MATCAP2: variants seen among roughly 807,000 people sequenced by gnomAD.
MATCAP2 encodes putative tyrosine carboxypeptidase MATCAP2.
the MATCAP2 span, chr7:36,389,791 GC>G: frequency 1.4e-6 from 1 of 694,078 alleles, no homozygotes; most frequent in Non-Finnish European, 2.2e-6. Context: ...GGGAGAGGGC[GC>G]CCCGGCTCCG....
At chr7:36,337,122 A>AAAAAAAAAAAAAAAAC in the MATCAP2 span, among the ~76,000 whole-genome samples, 1 of 147,098 alleles carries the variant, frequency 6.8e-6, no homozygotes, top group Non-Finnish European at 1.5e-5. Context: ...AAAAAAAAAA[A>AAAAAAAAAAAAAAAAC]AAAGCAATCA....
the MATCAP2 span, among the ~76,000 whole-genome samples, chr7:36,365,648 G>A: frequency 0.081 from 12,293 of 152,298 alleles, 660 homozygotes; most frequent in East Asian, 0.16. Context: ...GCAGTGAGCA[G>A]AGACAGCGCC....
the MATCAP2 span, chr7:36,389,792 C>A: frequency 1.4e-6 from 1 of 729,064 alleles, no homozygotes; most frequent in Non-Finnish European, 2.1e-6. Flanking sequence ...GGAGAGGGCG[C>A]CCCGGCTCCG....
chr7:36,356,555 A>G, the MATCAP2 span: 334 of 415,948 alleles, frequency 8.0e-4, no homozygotes, highest in East Asian at 6.7e-3. Context: ...TTAGAAAACA[A>G]AAACGTAGTG....
At chr7:36,367,027 G>A in the MATCAP2 span, 8 of 1,279,136 alleles carry the variant, frequency 6.3e-6, no homozygotes, top group Non-Finnish European at 7.8e-6. Flanking sequence ...CTCTGACCCG[G>A]GCCTCGGTGG....
the MATCAP2 span, among the ~76,000 whole-genome samples, chr7:36,348,771 A>C: frequency 6.6e-6 from 1 of 152,234 alleles, no homozygotes; most frequent in Non-Finnish European, 1.5e-5. Flanking sequence ...AAATAGAAGT[A>C]GGGGATTAGA....
the MATCAP2 span, among the ~76,000 whole-genome samples, chr7:36,389,076 T>C: frequency 6.6e-6 from 1 of 152,104 alleles, no homozygotes; most frequent in East Asian, 1.9e-4. Context: ...ACACAAGGGC[T>C]CTTTGTCTGG....
At chr7:36,378,000 G>A in the MATCAP2 span, among the ~76,000 whole-genome samples, 12 of 152,180 alleles carry the variant, frequency 7.9e-5, no homozygotes, top group African/African-American at 2.4e-4. Flanking sequence ...TTAGCCATTC[G>A]TCTAATGTTT....
chr7:36,369,203 A>C, the MATCAP2 span, among the ~76,000 whole-genome samples: 78 of 152,294 alleles, frequency 5.1e-4, 1 homozygote, highest in Non-Finnish European at 8.8e-4. Context: ...AGACAACAGA[A>C]AGTGTGTGCA....
At chr7:36,344,029 G>A in the MATCAP2 span, among the ~76,000 whole-genome samples, 1 of 152,048 alleles carries the variant, frequency 6.6e-6, no homozygotes, top group Non-Finnish European at 1.5e-5. Context: ...TTTATTGTCT[G>A]TAAATAAATA....
the MATCAP2 span, among the ~76,000 whole-genome samples, chr7:36,373,103 TAAAAAA>T: frequency 1.7e-4 from 20 of 116,192 alleles, no homozygotes; most frequent in Non-Finnish European, 3.3e-4. Flanking sequence ...AGACTTCATC[TAAAAAA>T]AAAAAAAAAA....
the MATCAP2 span, among the ~76,000 whole-genome samples, chr7:36,331,795 A>T: frequency 1.2e-4 from 19 of 152,312 alleles, no homozygotes; most frequent in South Asian, 8.3e-4. Flanking sequence ...TGTAATTTTT[A>T]AAAAAATTTT....
At chr7:36,383,827 G>C in the MATCAP2 span, 2 of 1,416,322 alleles carry the variant, frequency 1.4e-6, no homozygotes, top group Non-Finnish European at 2.0e-6. Context: ...ATTTTAAAAA[G>C]TGTAAAAGAA....
At chr7:36,337,730 A>G in the MATCAP2 span, 2 of 152,168 alleles carry the variant, frequency 1.3e-5, no homozygotes, top group African/African-American at 4.8e-5. Flanking sequence ...TTTGACCTGT[A>G]ACTGATGTGA....
chr7:36,346,126 A>AG, the MATCAP2 span, among the ~76,000 whole-genome samples: 4 of 152,138 alleles, frequency 2.6e-5, no homozygotes, highest in African/African-American at 9.7e-5. Flanking sequence ...GGATGTCTAT[A>AG]GGAAAAAAAA....
the MATCAP2 span, among the ~76,000 whole-genome samples, chr7:36,327,406 A>T: frequency 6.6e-6 from 1 of 152,220 alleles, no homozygotes; most frequent in South Asian, 2.1e-4. Context: ...AAGTGCTGGG[A>T]TTACAGGCGT....
the MATCAP2 span, among the ~76,000 whole-genome samples, chr7:36,334,848 T>C: frequency 1.3e-5 from 2 of 152,110 alleles, no homozygotes; most frequent in Non-Finnish European, 2.9e-5. Context: ...CCTAAACACT[T>C]CCCTTAAAAA....
the MATCAP2 span, among the ~76,000 whole-genome samples, chr7:36,376,481 T>C: frequency 6.6e-6 from 1 of 152,262 alleles, no homozygotes; most frequent in Non-Finnish European, 1.5e-5. Context: ...TCCGTTCTTT[T>C]ACATTTGCTG....
chr7:36,380,100 A>G, the MATCAP2 span, among the ~76,000 whole-genome samples: 1 of 152,212 alleles, frequency 6.6e-6, no homozygotes, highest in Non-Finnish European at 1.5e-5. Flanking sequence ...CTTGTAAGAT[A>G]TAATATTCAG....
Sources: gnomAD v4.1 joint callset for allele counts (sites outside exome capture counted in the v4.1 genomes callset) on GRCh38, gnomAD v4.1.1 for gene constraint, MANE v1.5 for transcripts, NCBI Gene and HGNC (gene_info 2026-07-23, HGNC 2026-07-21) for gene names.